SPDYA: variants seen among roughly 807,000 people sequenced by gnomAD.
The protein encoded by SPDYA is speedy/RINGO cell cycle regulator family member A.
SPDYA carries 11 observed loss-of-function variants against 36.7 expected under a neutral mutation model. The ratio of observed to expected loss-of-function variants is 0.30; its 90% CI spans 0.19 to 0.50. SPDYA has a LOEUF of 0.50. Among genes scored for constraint, SPDYA ranks in the 20% least tolerant of loss-of-function variants. The pLI, the probability that SPDYA is intolerant of heterozygous loss-of-function variation, is 0.98. For synonymous variants in SPDYA, 115 were observed against 118.7 expected (o/e 0.97, Z 0.20); for missense variants, 287 against 370.9 (o/e 0.77, Z 1.86).
At chr2:28,846,768 C>T (rs1668888011) in intron 7 of SPDYA, among the ~76,000 whole-genome samples, 1 of 131,048 alleles carries the variant, frequency 7.6e-6, no homozygotes. Context: ...CACACACACA[C>T]ACACAAAGGG....
At chr2:28,820,851 G>A (rs1022870865) in intron 4 of SPDYA, among the ~76,000 whole-genome samples, 1 of 151,878 alleles carries the variant, frequency 6.6e-6, no homozygotes, top group Non-Finnish European at 1.5e-5. Context: ...ACTAGAAGAA[G>A]GTTTATAAAA....
intron 3 of SPDYA, 111 bp from the exon 4 acceptor site, chr2:28,818,937 A>T (rs1416541522): frequency 3.7e-6 from 3 of 817,168 alleles, no homozygotes; most frequent in Non-Finnish European, 5.9e-6. Context: ...TGGTTCATTC[A>T]TTTTTGTTTT....
intron 6 of SPDYA, 63 bp downstream of exon 6, chr2:28,829,382 T>G: frequency 6.6e-7 from 1 of 1,509,150 alleles, no homozygotes; most frequent in Non-Finnish European, 8.9e-7. Context: ...ATTATCCTTG[T>G]TTTTTAATGT....
intron 1 of SPDYA, among the ~76,000 whole-genome samples, chr2:28,813,294 T>G (rs1667898618): frequency 6.6e-6 from 1 of 152,162 alleles, no homozygotes; most frequent in South Asian, 2.1e-4. Flanking sequence ...CCTTTTTGAT[T>G]GATAGAAAAT....
At chr2:28,834,779 C>T (rs951781286) in intron 6 of SPDYA, among the ~76,000 whole-genome samples, 9 of 152,066 alleles carry the variant, frequency 5.9e-5, no homozygotes, top group South Asian at 2.1e-4. Context: ...CAAAATTGAC[C>T]GTGGTTATGG....
At chr2:28,836,747 T>C (rs1207404237) in intron 6 of SPDYA, among the ~76,000 whole-genome samples, 1 of 152,192 alleles carries the variant, frequency 6.6e-6, no homozygotes, top group Non-Finnish European at 1.5e-5. Flanking sequence ...AATTGGAAAA[T>C]ATATATAGGG....
rs1285847528 is a variant in SPDYA, at chr2:28,811,412, C to A, written c.-93+465C>A. Among the ~76,000 whole-genome samples, 3 of 152,134 alleles carry A rather than the reference C, an allele frequency of 2.0e-5. No homozygotes were observed. The highest frequency in any genetic ancestry group is 7.2e-5 in the African/African-American group (3 of 41,416). On this transcript the variant is annotated intron_variant, in intron 1 of 7. Transcript: ENST00000334056. The surrounding 1 kb of genome is among the most constrained non-coding windows in gnomAD (Gnocchi z 4.2). ...TGATAAATCCTACCTCCTTATGTCCCATTAAACACCTCTTTTTGTCCCCAA... is the reference window on the plus strand; with the variant it reads ...TGATAAATCCTACCTCCTTATGTCCAATTAAACACCTCTTTTTGTCCCCAA...
chr2:28,817,289 C>T (rs1318403006), intron 3 of SPDYA, among the ~76,000 whole-genome samples: 1 of 152,144 alleles, frequency 6.6e-6, no homozygotes, highest in South Asian at 2.1e-4. Flanking sequence ...AGCCTGGGCG[C>T]GGTGGCTCAC....
At chr2:28,824,866 C>G (rs1474444313) in intron 5 of SPDYA, among the ~76,000 whole-genome samples, 1 of 151,998 alleles carries the variant, frequency 6.6e-6, no homozygotes, top group Non-Finnish European at 1.5e-5. Context: ...CTGATTTCTA[C>G]TTGTATTCAG....
rs1668717984 is a variant in SPDYA at position 28,840,295 on chromosome 2, G to A, written c.676G>A (p.Val226Ile). The change falls in exon 7 of 8, where the codon GTA (valine) becomes ATA (isoleucine). Residue 226 changes from valine (V) to isoleucine (I), a missense_variant. Coordinates refer to ENST00000334056, the MANE Select transcript of SPDYA (RefSeq NM_182756.4). ...GCCCCGGGGACCTAGTGCCACACCAGTAGATTGTTCACTCTGTGGTAAAAA... is the reference window on the plus strand; with the variant it reads ...GCCCCGGGGACCTAGTGCCACACCAATAGATTGTTCACTCTGTGGTAAAAA... ...QLPRGPSATPVDCSLCGKKRR... is the reference protein window; with the variant it reads ...QLPRGPSATPIDCSLCGKKRR... 6.2e-7 allele frequency: 1 copy of A among 1,613,054 alleles called. No homozygotes were observed. The highest frequency in any genetic ancestry group is 8.5e-7 in the Non-Finnish European group (1 of 1,179,688).
chr2:28,850,183 C>T lies in SPDYA; in HGVS notation c.*242C>T. The stretch of plus-strand genomic sequence containing the variant: ...TATTTTTCCATCTTCAAGTCAGTTA[C>T]TGTCATCTGGAGTACTCAGTTAAGT... On this transcript the variant is annotated 3_prime_UTR_variant, in exon 8 of 8. Transcript: ENST00000334056. 5 of 1,604,110 alleles carry T rather than the reference C, an allele frequency of 3.1e-6. No homozygotes were observed. The highest frequency in any genetic ancestry group is 4.3e-6 in the Non-Finnish European group (5 of 1,174,562).
At chr2:28,849,510 T>C (rs574075613) in intron 7 of SPDYA, among the ~76,000 whole-genome samples, 2 of 152,366 alleles carry the variant, frequency 1.3e-5, no homozygotes, top group Admixed American at 1.3e-4. Flanking sequence ...CAGACTAGTC[T>C]CGAACTCCTG....
rs1307407231 is a variant in SPDYA at position 28,813,054 on chromosome 2, T to C, written c.-92-1559T>C. On this transcript the variant is annotated intron_variant, in intron 1 of 7. Transcript: ENST00000334056. ...CTAAGTGAAGAGCAAAATTAAAAGA[T>C]ACCCTTAGGTAGAAATTGACCAAGA... Among the ~76,000 whole-genome samples the C allele has an allele frequency of 5.9e-5, 9 of 152,136 alleles. 1 individual carries two copies. In the South Asian group the frequency reaches 1.5e-3, roughly 25 times the overall value.
intron 3 of SPDYA, among the ~76,000 whole-genome samples, chr2:28,817,967 C>G (rs1668029374): frequency 6.6e-6 from 1 of 150,934 alleles, no homozygotes; most frequent in Non-Finnish European, 1.5e-5. Context: ...TCAAGACCAG[C>G]CTGGGGCAAC....
Position 28,829,182 on chromosome 2 carries a change from G to C in SPDYA, c.415G>C (p.Glu139Gln), listed in dbSNP as rs202166252. ...LANTVEEDEE[E>Q]TKYEIFPWAL... is the part of the protein sequence containing the mutation. ...TAATACAGTTGAAGAAGATGAAGAA[G>C]AAACCAAGTACGAAATTTTTCCATG... Residue 139 changes from glutamate to glutamine, a missense_variant, in exon 6 of 8, where the codon GAA becomes CAA. By Grantham distance (29) the Glu-to-Gln change is conservative. Transcript: ENST00000334056. The C allele has an allele frequency of 5.6e-5, 91 of 1,613,714 alleles. No homozygotes were observed. The East Asian group carries it at 2.0e-3, about 36-fold the overall frequency.
intron 6 of SPDYA, among the ~76,000 whole-genome samples, chr2:28,839,243 C>T (rs1431492375): frequency 6.6e-5 from 10 of 152,108 alleles, no homozygotes; most frequent in Admixed American, 5.9e-4. Context: ...CAAGTGTACC[C>T]GGACTCTAAA....
chr2:28,826,952 T>TTC (rs1668342518), intron 5 of SPDYA, among the ~76,000 whole-genome samples: 1 of 145,510 alleles, frequency 6.9e-6, no homozygotes, highest in African/African-American at 2.5e-5. Context: ...TTTCTTTCTT[T>TTC]TTTTTTTTTT....
At position 28,828,293 on chromosome 2, in the gene SPDYA, T is replaced by C. The variant is rs111596718; in HGVS notation, c.381-855T>C. Among the ~76,000 whole-genome samples the C allele has an allele frequency of 6.5e-3, 986 of 152,314 alleles. 9 individuals are homozygous for C. Among genetic ancestry groups the C allele is most frequent in the African/African-American group, 0.018 (759 of 41,574 alleles). On this transcript the variant is annotated intron_variant, in intron 5 of 7. Transcript: ENST00000334056. ...TGAGCCACCACGCCCGGCCCTCATC[T>C]TGTGTTTATGATTTTTGTTTCTTTT...
intron 2 of SPDYA, among the ~76,000 whole-genome samples, chr2:28,814,925 C>T (rs1226354208): frequency 6.6e-6 from 1 of 152,132 alleles, no homozygotes; most frequent in African/African-American, 2.4e-5. Context: ...ATTATGACAA[C>T]ATACATTCAT....
Sources: gnomAD v4.1 joint callset for allele counts (sites outside exome capture counted in the v4.1 genomes callset) on GRCh38, gnomAD v4.1.1 for gene constraint, Gnocchi (gnomAD v3.1) non-coding constraint, MANE v1.5 for transcripts, NCBI Gene and HGNC (gene_info 2026-07-23, HGNC 2026-07-21) for gene names.